The following FRMD4A variants were observed in gnomAD, a reference collection of about 807,000 sequenced individuals.
FRMD4A encodes FERM domain-containing protein 4A.
Under a neutral mutation model 129.1 loss-of-function variants are expected in FRMD4A, and 29 were observed. The observed-to-expected ratio is 0.22, with a 90% CI of 0.17 to 0.31. The LOEUF is 0.31. Among genes scored for constraint, FRMD4A ranks in the 10% least tolerant of loss-of-function variants. The pLI is 1.00. For synonymous variants in FRMD4A, 634 were observed against 571.6 expected (o/e 1.11, Z -1.56); for missense variants, 1,272 against 1,375.8 (o/e 0.92, Z 1.19).
chr10:13,967,106 GC>G (rs1490023334), intron 2 of FRMD4A, among the ~76,000 whole-genome samples: 1 of 152,234 alleles, frequency 6.6e-6, no homozygotes, highest in African/African-American at 2.4e-5. Context: ...GGAGGCCGAG[GC>G]GGGCAGATCA....
intron 2 of FRMD4A, among the ~76,000 whole-genome samples, chr10:14,127,477 T>C (rs1238999467): frequency 6.6e-6 from 1 of 152,204 alleles, no homozygotes; most frequent in African/African-American, 2.4e-5. Context: ...TTTTAGGGCC[T>C]GGAGAAGAGG....
intron 2 of FRMD4A, among the ~76,000 whole-genome samples, chr10:14,179,673 C>T (rs895811874): frequency 2.0e-5 from 3 of 152,160 alleles, no homozygotes; most frequent in Non-Finnish European, 2.9e-5. Context: ...CAAGTTCTTG[C>T]GATACAAAAA....
chr10:13,657,133 C>CCGCCCCCCG lies in FRMD4A; in HGVS notation c.2447_2455dup (p.Ala816_Gly818dup), dbSNP rs556055601. ...CTGGCTCTGGCTGTGCAGGTACACA[C>CCGCCCCCCG]CGCCCCCCGCGCCCCCCGCGCCCCC... is the stretch of plus-strand genomic sequence containing the variant. On this transcript the variant is annotated inframe_insertion, in exon 22 of 25. Transcript: ENST00000357447. 114 of 1,504,982 alleles carry CCGCCCCCCG rather than the reference C, an allele frequency of 7.6e-5. No individual in the cohort carries two copies. Among genetic ancestry groups the CCGCCCCCCG allele is most frequent in the East Asian group, 3.2e-4 (12 of 37,472 alleles). The allele number at this position is 1,504,982 out of a possible 1,614,324, so 93.2% of individuals were successfully genotyped here. A position where few individuals can be genotyped will look rare whatever the true frequency, so the allele number is the denominator to read the frequency against.
chr10:14,254,403 G>A (rs1310010747), intron 2 of FRMD4A, among the ~76,000 whole-genome samples: 1 of 152,114 alleles, frequency 6.6e-6, no homozygotes, highest in Non-Finnish European at 1.5e-5. Context: ...GGTGGAAGAA[G>A]GACATCCTTC....
intron 2 of FRMD4A, among the ~76,000 whole-genome samples, chr10:13,884,164 A>T (rs1391409568): frequency 3.2e-3 from 128 of 39,860 alleles, no homozygotes; most frequent in East Asian, 6.4e-3. Flanking sequence ...TCTCACACAC[A>T]CACTCACACA....
chr10:14,025,507 A>G (rs558043173), intron 2 of FRMD4A, among the ~76,000 whole-genome samples: 2 of 152,324 alleles, frequency 1.3e-5, no homozygotes, highest in South Asian at 2.1e-4. Flanking sequence ...CAGACTGTGG[A>G]TAACAGCTAG....
chr10:14,308,411 C>G (rs1337208661), intron 2 of FRMD4A, among the ~76,000 whole-genome samples: 4 of 149,620 alleles, frequency 2.7e-5, no homozygotes, highest in South Asian at 2.1e-4. Flanking sequence ...ATTTTTTTTT[C>G]TTGAGGGAAG....
intron 15 of FRMD4A, among the ~76,000 whole-genome samples, chr10:13,679,617 A>G (rs75145763): frequency 0.073 from 10,947 of 150,314 alleles, 401 homozygotes; most frequent in East Asian, 0.1. Flanking sequence ...TTCTTATCCT[A>G]TTCCACTCCA....
At chr10:13,926,233 C>A (rs2095132220) in intron 2 of FRMD4A, among the ~76,000 whole-genome samples, 1 of 152,128 alleles carries the variant, frequency 6.6e-6, no homozygotes, top group South Asian at 2.1e-4. Context: ...CTGCCCTGGC[C>A]AACTGTGAAC....
intron 2 of FRMD4A, among the ~76,000 whole-genome samples, chr10:14,188,832 G>A (rs1413459466): frequency 6.6e-6 from 1 of 152,166 alleles, no homozygotes; most frequent in African/African-American, 2.4e-5. Context: ...CCTGAGCCTG[G>A]GAGGTTAAGG....
chr10:13,654,904 G>A (rs988216799), intron 22 of FRMD4A: 1 of 203,360 alleles, frequency 4.9e-6, no homozygotes, highest in African/African-American at 2.3e-5. Context: ...CTCATACAGG[G>A]AGGGCATATT....
At position 13,988,667 on chromosome 10, in the gene FRMD4A, T is replaced by C. The variant is rs7910694; in HGVS notation, c.46-129755A>G. On this transcript the variant is annotated intron_variant, in intron 2 of 24. Transcript: ENST00000357447. ...ATACCGATGGATAGATACCGATAGA[T>C]CGATAGATAGATAGGTCTCTATAGT... 4.2e-3 allele frequency among the ~76,000 whole-genome samples: 644 copies of C among 152,266 alleles called. 24 individuals are homozygous for C. The highest frequency in any genetic ancestry group is 0.037 in the Admixed American group (569 of 15,298).
intron 9 of FRMD4A, 26 bp from the exon 10 acceptor site, chr10:13,740,603 T>G: frequency 7.7e-7 from 1 of 1,298,384 alleles, no homozygotes. Flanking sequence ...AAGAATGCTG[T>G]TGTTGGAGTC....
chr10:14,117,893 C>T (rs1240156746), intron 2 of FRMD4A, among the ~76,000 whole-genome samples: 3 of 152,118 alleles, frequency 2.0e-5, no homozygotes, highest in African/African-American at 7.2e-5. Context: ...ATATGGGCAC[C>T]TATACTTGCA....
chr10:14,110,719 C>T (rs73597216), intron 2 of FRMD4A, among the ~76,000 whole-genome samples: 5,409 of 152,264 alleles, frequency 0.036, 333 homozygotes, highest in African/African-American at 0.13. Flanking sequence ...TTTTCTTCTG[C>T]CACCATTGAA....
intron 2 of FRMD4A, among the ~76,000 whole-genome samples, chr10:13,907,095 C>T (rs528960302): frequency 6.4e-4 from 98 of 151,956 alleles, no homozygotes; most frequent in Admixed American, 2.0e-3. Flanking sequence ...ACAACACTGC[C>T]GAAAAATGAT....
intron 12 of FRMD4A, among the ~76,000 whole-genome samples, chr10:13,709,912 G>A (rs528959259): frequency 6.6e-6 from 1 of 150,980 alleles, no homozygotes; most frequent in East Asian, 1.9e-4. Flanking sequence ...ATAGGTTTTT[G>A]GGGAACAGGC....
chr10:14,199,278 CTTATTTTATTTATTTATTTAT>C lies in FRMD4A; in HGVS notation c.45+130759_45+130779del, dbSNP rs1372259300. 2.7e-4 allele frequency among the ~76,000 whole-genome samples: 38 copies of C among 139,610 alleles called. No homozygotes were observed. In the South Asian group the frequency reaches 3.4e-3, roughly 13 times the overall value. 91.6% of individuals were successfully genotyped at this position (139,610 alleles called of 152,430 possible). ...ATTCTACTGCTTGATTTTTAAGTGT[CTTATTTTATTTATTTATTTAT>C]TTATTTATTTATTTATTTATTTATT... is the stretch of plus-strand genomic sequence containing the variant. On this transcript the variant is annotated intron_variant, in intron 2 of 24. Transcript: ENST00000357447.
At chr10:13,874,012 C>G (rs997264008) in intron 2 of FRMD4A, among the ~76,000 whole-genome samples, 3 of 150,344 alleles carry the variant, frequency 2.0e-5, no homozygotes, top group East Asian at 4.0e-4. Flanking sequence ...TTTGGGAGGC[C>G]GAGGCAGATG....
Sources: gnomAD v4.1 joint callset for allele counts (sites outside exome capture counted in the v4.1 genomes callset) on GRCh38, gnomAD v4.1.1 for gene constraint, MANE v1.5 for transcripts, NCBI Gene and HGNC (gene_info 2026-07-23, HGNC 2026-07-21) for gene names.